Variants in ANKRD44 observed in about 807,000 individuals in gnomAD.
The protein encoded by ANKRD44 is serine/threonine-protein phosphatase 6 regulatory ankyrin repeat subunit B.
In ANKRD44, 35 loss-of-function variants were observed where a neutral mutation model predicts 116.0. The ratio of observed to expected loss-of-function variants is 0.30; its 90% CI spans 0.23 to 0.40. The LOEUF is 0.40. Among genes scored for constraint, ANKRD44 ranks in the 10% least tolerant of loss-of-function variants. The pLI is 1.00. For synonymous variants in ANKRD44, 435 were observed against 461.8 expected, an observed-to-expected ratio of 0.94 and a Z score of 0.74; for missense variants, 1,014 against 1,242.6, an observed-to-expected ratio of 0.82 and a Z score of 2.77.
At chr2:197,018,419 G>A (rs1574285701) in intron 17 of ANKRD44, among the ~76,000 whole-genome samples, 1 of 152,236 alleles carries the variant, frequency 6.6e-6, no homozygotes, top group East Asian at 1.9e-4. Context: ...CACTGCATCT[G>A]TACTTTCTGC....
chr2:197,145,669 C>A (rs1381072765), intron 3 of ANKRD44, among the ~76,000 whole-genome samples: 1 of 152,176 alleles, frequency 6.6e-6, no homozygotes, highest in African/African-American at 2.4e-5. Context: ...CCTGGGGAAA[C>A]CCACCTCAAG....
chr2:197,085,001 C>G (rs1042460795), intron 13 of ANKRD44, among the ~76,000 whole-genome samples: 3 of 152,098 alleles, frequency 2.0e-5, no homozygotes, highest in Admixed American at 6.6e-5. Context: ...ACAAGCACCT[C>G]GTAAAGGGCA....
At chr2:197,298,459 GA>G (rs2083790916) in intron 1 of ANKRD44, among the ~76,000 whole-genome samples, 1 of 152,130 alleles carries the variant, frequency 6.6e-6, no homozygotes, top group South Asian at 2.1e-4. Flanking sequence ...AGCAAAACCA[GA>G]AAAATCATGT....
At chr2:196,993,795 T>G (rs1227223375) in intron 26 of ANKRD44, 121 bp from the exon 27 acceptor site, 1 of 743,740 alleles carries the variant, frequency 1.3e-6, no homozygotes, top group Non-Finnish European at 2.2e-6. Flanking sequence ...TACATGGATG[T>G]TTTTACTTAA....
intron 16 of ANKRD44, among the ~76,000 whole-genome samples, chr2:197,038,635 A>G (rs2076851249): frequency 6.6e-6 from 1 of 152,240 alleles, no homozygotes. Context: ...GACACCAGTA[A>G]AAGAATTCCA....
At chr2:197,125,807 G>C (rs761342000) in intron 5 of ANKRD44, 30 bp downstream of exon 5, 2 of 1,608,944 alleles carry the variant, frequency 1.2e-6, no homozygotes, top group Non-Finnish European at 1.7e-6. Context: ...TGGAGGGAGC[G>C]TTCCAATTCT....
rs144888665 is a variant in ANKRD44 at position 197,297,962 on chromosome 2, A to G, written c.27+12616T>C. Among the ~76,000 whole-genome samples the G allele has an allele frequency of 4.0e-3, 603 of 152,344 alleles. 4 individuals carry two copies. The highest frequency in any genetic ancestry group is 0.014 in the African/African-American group (579 of 41,570). On this transcript the variant is annotated intron_variant, in intron 1 of 27. Transcript: ENST00000282272. ...TACTCATGACAGTATCATTTACTCA[A>G]GTCACAGCTGGCCACTTCTTATGCT...
intron 2 of ANKRD44, among the ~76,000 whole-genome samples, chr2:197,155,061 T>C (rs528615575): frequency 3.3e-5 from 5 of 152,286 alleles, no homozygotes; most frequent in Admixed American, 2.6e-4. Context: ...AAAATAAGAA[T>C]GCCAAAGACA....
intron 16 of ANKRD44, among the ~76,000 whole-genome samples, chr2:197,075,082 AGTGATTTGG>A: frequency 6.6e-6 from 1 of 152,244 alleles, no homozygotes; most frequent in East Asian, 1.9e-4. Flanking sequence ...CCAAATTCCA[AGTGATTTGG>A]CATGAAAAAA....
At chr2:197,000,324 T>C in intron 23 of ANKRD44, 95 bp downstream of exon 23, 2 of 943,586 alleles carry the variant, frequency 2.1e-6, no homozygotes, top group Non-Finnish European at 3.3e-6. Context: ...TCCATTATTC[T>C]TTCAATTAAA....
chr2:197,073,336 T>C (rs922860423), intron 16 of ANKRD44, among the ~76,000 whole-genome samples: 2 of 152,190 alleles, frequency 1.3e-5, no homozygotes, highest in Admixed American at 1.3e-4. Flanking sequence ...GCTGGTAACT[T>C]ATATTCCCCT....
chr2:196,997,685 G>A (rs2076038507), intron 25 of ANKRD44, among the ~76,000 whole-genome samples: 1 of 151,850 alleles, frequency 6.6e-6, no homozygotes. Context: ...CCGACCTCAG[G>A]TAATCCACCT....
chr2:197,112,891 A>G (rs1029579393), intron 8 of ANKRD44, among the ~76,000 whole-genome samples: 8 of 152,078 alleles, frequency 5.3e-5, no homozygotes, highest in African/African-American at 1.9e-4. Flanking sequence ...ATTTTATTAT[A>G]TTCTATAAGT....
chr2:197,051,470 T>C (rs888240247), intron 16 of ANKRD44, among the ~76,000 whole-genome samples: 5 of 152,186 alleles, frequency 3.3e-5, no homozygotes, highest in African/African-American at 1.2e-4. Context: ...CATAGCTCAC[T>C]GCACTCTCAA....
intron 1 of ANKRD44, among the ~76,000 whole-genome samples, chr2:197,226,907 T>C (rs950749077): frequency 6.6e-6 from 1 of 152,134 alleles, no homozygotes; most frequent in Non-Finnish European, 1.5e-5. Context: ...ATCTCAGAAT[T>C]TGATTCCAAA....
Position 197,005,681 on chromosome 2 carries a change from A to G in ANKRD44, c.2347+13T>C. ...GAAGTCTAGTGGAATCAGTCAAATG[A>G]TAAGCAACTCACCATTGTAACAAGC... On this transcript the variant is annotated intron_variant, in intron 21 of 27. Transcript: ENST00000282272. 6.2e-7 allele frequency: 1 copy of G among 1,613,006 alleles called. No homozygotes were observed. The highest frequency in any genetic ancestry group is 8.5e-7 in the Non-Finnish European group (1 of 1,179,004).
intron 27 of ANKRD44, chr2:196,990,917 C>CG: frequency 1.6e-6 from 2 of 1,232,410 alleles, no homozygotes; most frequent in Non-Finnish European, 2.0e-6. Flanking sequence ...AAGCCAGGGC[C>CG]GGGGTATGAC....
rs1559036648 is a variant in ANKRD44, at chr2:197,068,398, TAAAAATA to T, written c.1650+10298_1650+10304del. Among the ~76,000 whole-genome samples the T allele has an allele frequency of 6.3e-3, 385 of 61,446 alleles. 3 individuals are homozygous for T. The highest frequency in any genetic ancestry group is 0.015 in the African/African-American group (371 of 24,290). The allele number at this position is 61,446 out of a possible 152,430, so 40.3% of individuals were successfully genotyped here. On this transcript the variant is annotated intron_variant, in intron 16 of 27. Transcript: ENST00000282272. ...AAAAAAGAAAAAAATAAAAAAAAAATAAAAATAAAATAAAAAAAAATAAAACACCAAA... is the reference window on the plus strand; with the variant it reads ...AAAAAAGAAAAAAATAAAAAAAAAATAAATAAAAAAAAATAAAACACCAAA...
chr2:197,212,350 C>A lies in ANKRD44; in HGVS notation c.28-25244G>T, dbSNP rs184903385. 1.3e-5 allele frequency among the ~76,000 whole-genome samples: 2 copies of A among 152,242 alleles called. No homozygotes were observed. Among genetic ancestry groups the A allele is most frequent in the East Asian group, 3.9e-4 (2 of 5,180 alleles). ...AAAGAAACCACTTGTATCACACAGT[C>A]CCTATTCGAGAACCCAAAATGCTTC... On this transcript the variant is annotated intron_variant, in intron 1 of 27. Coordinates refer to ENST00000282272, the MANE Select transcript of ANKRD44 (RefSeq NM_001195144.2). The surrounding 1 kb of genome is among the most constrained non-coding windows in gnomAD (Gnocchi z 4.8).
Sources: allele counts gnomAD v4.1 joint callset (sites outside exome capture counted in the v4.1 genomes callset), GRCh38; gene constraint gnomAD v4.1.1; non-coding constraint Gnocchi (gnomAD v3.1); transcripts MANE v1.5; gene names NCBI Gene and HGNC (gene_info 2026-07-23, HGNC 2026-07-21).